MYO6: variants seen among roughly 807,000 people sequenced by gnomAD.
MYO6 encodes myosin VI, also known as unconventional myosin-VI.
MYO6 carries 74 observed loss-of-function variants against 178.7 expected under a neutral mutation model. The observed-to-expected ratio is 0.41, with a 90% CI of 0.34 to 0.50. The LOEUF (loss-of-function observed/expected upper bound fraction) is 0.50. Ranked by LOEUF, MYO6 falls within the 20% of genes least tolerant of loss-of-function variation. The pLI, the probability that MYO6 is intolerant of heterozygous loss-of-function variation, is 0.09. For missense variants in MYO6, 1,330 were observed against 1,547.4 expected (o/e 0.86, Z 2.36); for synonymous variants, 477 against 504.6 (o/e 0.95, Z 0.73).
intron 31 of MYO6, 82 bp downstream of exon 31, chr6:75,907,790 G>GTA: frequency 5.7e-6 from 5 of 882,528 alleles, no homozygotes; most frequent in Non-Finnish European, 9.2e-6. Flanking sequence ...AGGTGTGTGT[G>GTA]TGTATGTGTG....
chr6:75,841,514 C>T, intron 9 of MYO6, 136 bp downstream of exon 9: 2 of 765,850 alleles, frequency 2.6e-6, no homozygotes, highest in Non-Finnish European at 4.1e-6. Context: ...TGTAGCGAGA[C>T]CCTGTCTCTA....
At chr6:75,825,498 C>T (rs1338772650) in intron 3 of MYO6, among the ~76,000 whole-genome samples, 1 of 152,158 alleles carries the variant, frequency 6.6e-6, no homozygotes, top group Non-Finnish European at 1.5e-5. Flanking sequence ...GAGGCCGAGG[C>T]AGGAGACTCC....
intron 1 of MYO6, among the ~76,000 whole-genome samples, chr6:75,787,227 C>T (rs1365990309): frequency 1.3e-5 from 2 of 152,168 alleles, no homozygotes; most frequent in Non-Finnish European, 2.9e-5. Flanking sequence ...GCTTACCATA[C>T]TGCTGGGAAT....
chr6:75,872,553 T>C (rs1478878588), intron 19 of MYO6, among the ~76,000 whole-genome samples: 1 of 152,174 alleles, frequency 6.6e-6, no homozygotes. Context: ...AAATATGGCA[T>C]ACATAAATAC....
In MYO6 at chr6:75,881,563, A is replaced by G. The variant is rs1778029717; in HGVS notation, c.2287-126A>G. 8.8e-6 allele frequency: 8 copies of G among 908,952 alleles called. 1 individual carries two copies. The highest frequency in any genetic ancestry group is 8.0e-5 in the Admixed American group (4 of 49,798). The allele number at this position is 908,952 out of a possible 1,614,324, so 56.3% of individuals were successfully genotyped here. On this transcript the variant is annotated intron_variant, in intron 22 of 34. Coordinates refer to ENST00000369977, the MANE Select transcript of MYO6 (RefSeq NM_004999.4). ...TTTGTTGTATTCTCTGCCAAGGCCT[A>G]TGTAATTGACATGTGACCATTTTCA... is the stretch of plus-strand genomic sequence containing the variant.
chr6:75,763,181 G>A (rs181054656), intron 1 of MYO6, among the ~76,000 whole-genome samples: 50 of 151,752 alleles, frequency 3.3e-4, no homozygotes, highest in Non-Finnish European at 6.0e-4. Flanking sequence ...CACCTGCCAC[G>A]CCTGGTTAAT....
chr6:75,783,556 CTTTTTTTTT>C, intron 1 of MYO6, among the ~76,000 whole-genome samples: 1 of 127,728 alleles, frequency 7.8e-6, no homozygotes, highest in East Asian at 2.2e-4. Context: ...TTGATATCTT[CTTTTTTTTT>C]TTTTTTTGCC....
intron 1 of MYO6, among the ~76,000 whole-genome samples, chr6:75,811,787 G>T (rs1770720644): frequency 6.6e-6 from 1 of 152,064 alleles, no homozygotes; most frequent in South Asian, 2.1e-4. Flanking sequence ...GGGATATAGT[G>T]GGGAAGGAAA....
chr6:75,862,330 A>G (rs1776275762), intron 15 of MYO6, among the ~76,000 whole-genome samples: 1 of 152,214 alleles, frequency 6.6e-6, no homozygotes, highest in Admixed American at 6.5e-5. Context: ...TGGTTTACAA[A>G]TGGAATGGTT....
At chr6:75,821,149 C>T (rs375278389) in intron 2 of MYO6, among the ~76,000 whole-genome samples, 2 of 152,052 alleles carry the variant, frequency 1.3e-5, no homozygotes, top group African/African-American at 4.8e-5. Context: ...GGCCTTTTAG[C>T]CTGCTCTTAA....
chr6:75,829,075 G>A (rs1435494418), intron 4 of MYO6, among the ~76,000 whole-genome samples: 1 of 152,112 alleles, frequency 6.6e-6, no homozygotes. Flanking sequence ...AATCAGAATA[G>A]GAGGTAGTAT....
intron 30 of MYO6, among the ~76,000 whole-genome samples, chr6:75,899,702 C>CT (rs57012582): frequency 0.29 from 40,993 of 141,180 alleles, 9,072 homozygotes; most frequent in African/African-American, 0.61. Context: ...ACACATTATT[C>CT]TTTTTTTTTT....
chr6:75,768,238 TTAA>T (rs1778603847), intron 1 of MYO6: 1 of 152,228 alleles, frequency 6.6e-6, no homozygotes, highest in Admixed American at 6.5e-5. Flanking sequence ...TATTTGGATG[TTAA>T]TAATCTGATC....
chr6:75,892,265 A>G (rs1778960923), intron 27 of MYO6, among the ~76,000 whole-genome samples: 1 of 152,194 alleles, frequency 6.6e-6, no homozygotes, highest in Admixed American at 6.5e-5. Context: ...TGTTTGGGAC[A>G]CTAATATTTG....
chr6:75,783,763 G>C (rs958280555), intron 1 of MYO6, among the ~76,000 whole-genome samples: 1 of 151,872 alleles, frequency 6.6e-6, no homozygotes, highest in Admixed American at 6.6e-5. Context: ...TGAAAGAGTT[G>C]GAAATTTATC....
At chr6:75,759,038 T>G (rs1053867053) in intron 1 of MYO6, among the ~76,000 whole-genome samples, 3 of 151,722 alleles carry the variant, frequency 2.0e-5, no homozygotes, top group Non-Finnish European at 4.4e-5. Context: ...CCCGGCTAAT[T>G]TTTATATTTT....
intron 11 of MYO6, among the ~76,000 whole-genome samples, chr6:75,851,108 ATGT>A (rs1775225482): frequency 6.6e-6 from 1 of 152,230 alleles, no homozygotes; most frequent in Admixed American, 6.5e-5. Flanking sequence ...CACTTTAGAA[ATGT>A]TGTTAGAAGT....
intron 1 of MYO6, among the ~76,000 whole-genome samples, chr6:75,767,208 G>A (rs1042483437): frequency 7.9e-5 from 12 of 151,932 alleles, no homozygotes; most frequent in African/African-American, 2.9e-4. Flanking sequence ...TGTATTTTTA[G>A]TAGAGACGAG....
intron 2 of MYO6, among the ~76,000 whole-genome samples, chr6:75,821,642 C>G (rs1562207233): frequency 6.6e-6 from 1 of 151,418 alleles, no homozygotes; most frequent in African/African-American, 2.4e-5. Flanking sequence ...CACACACAAA[C>G]ACACACACAC....
Sources: allele counts gnomAD v4.1 joint callset (sites outside exome capture counted in the v4.1 genomes callset), GRCh38; gene constraint gnomAD v4.1.1; transcripts MANE v1.5; gene names NCBI Gene and HGNC (gene_info 2026-07-23, HGNC 2026-07-21).